ELOVL7: variants seen among roughly 807,000 people sequenced by gnomAD.
ELOVL7 encodes very long chain fatty acid elongase 7.
In ELOVL7, 27 loss-of-function variants were observed where a neutral mutation model predicts 35.7. The observed-to-expected ratio is 0.76, with a 90% CI of 0.56 to 1.04. ELOVL7 has a LOEUF of 1.04. ELOVL7 is among the 50% of genes least tolerant of loss of function. The pLI, the probability that ELOVL7 is intolerant of heterozygous loss-of-function variation, is 0.00. For synonymous variants in ELOVL7, 113 were observed against 114.6 expected (o/e 0.99, Z 0.09); for missense variants, 327 against 340.8 (o/e 0.96, Z 0.32).
At chr5:60,805,439 C>A (rs1029062363) in intron 1 of ELOVL7, among the ~76,000 whole-genome samples, 1 of 152,146 alleles carries the variant, frequency 6.6e-6, no homozygotes, top group Admixed American at 6.5e-5. Flanking sequence ...GAACCAAAGG[C>A]CAGCCAGGCT....
At chr5:60,790,064 G>C (rs1340954287) in intron 2 of ELOVL7, among the ~76,000 whole-genome samples, 1 of 152,062 alleles carries the variant, frequency 6.6e-6, no homozygotes, top group Non-Finnish European at 1.5e-5. Flanking sequence ...TTGAACCTGG[G>C]AGGCAGAGGT....
At chr5:60,807,548 A>G (rs1377376849) in intron 1 of ELOVL7, among the ~76,000 whole-genome samples, 1 of 151,282 alleles carries the variant, frequency 6.6e-6, no homozygotes, top group Non-Finnish European at 1.5e-5. Context: ...AAAAATCACT[A>G]GAAAACTTTA....
At chr5:60,771,213 T>G (rs1475496544) in intron 4 of ELOVL7, among the ~76,000 whole-genome samples, 1 of 152,026 alleles carries the variant, frequency 6.6e-6, no homozygotes, top group African/African-American at 2.4e-5. Context: ...GGAAGGAATC[T>G]CAGAAAAGAA....
At chr5:60,800,493 A>G (rs1449260021) in intron 1 of ELOVL7, among the ~76,000 whole-genome samples, 1 of 152,262 alleles carries the variant, frequency 6.6e-6, no homozygotes, top group African/African-American at 2.4e-5. Context: ...AATGAAGGCC[A>G]TATATAAAAA....
At chr5:60,773,230 C>T (rs13158665) in intron 3 of ELOVL7, among the ~76,000 whole-genome samples, 57,020 of 152,022 alleles carry the variant, frequency 0.38, 11,471 homozygotes, top group South Asian at 0.48. Context: ...AGGACAAGTT[C>T]CCAGAAGGAC....
At chr5:60,784,530 T>A (rs183490936) in intron 3 of ELOVL7, among the ~76,000 whole-genome samples, 63 of 152,334 alleles carry the variant, frequency 4.1e-4, no homozygotes, top group Middle Eastern at 3.4e-3. Flanking sequence ...TTTTTCCACA[T>A]GAAATAACTA....
At chr5:60,782,759 A>G (rs1743338963) in intron 3 of ELOVL7, among the ~76,000 whole-genome samples, 1 of 152,308 alleles carries the variant, frequency 6.6e-6, no homozygotes, top group South Asian at 2.1e-4. Context: ...TATTTATATA[A>G]GAAGAGTAGA....
At position 60,757,528 on chromosome 5, in the gene ELOVL7, T is replaced by C. The variant is rs773675782; in HGVS notation, c.617A>G (p.Tyr206Cys). 19 of 1,613,312 alleles carry C rather than the reference T, an allele frequency of 1.2e-5. No homozygotes were observed. The Admixed American group carries it at 2.0e-4, about 17-fold the overall frequency. Reference sequence around the variant, plus strand: ...ACTCACAAGCTGTAATGATGTCAAATATTTTTTCCACCACAAATACTTCTG... The same window carrying C: ...ACTCACAAGCTGTAATGATGTCAAACATTTTTTCCACCACAAATACTTCTG... Reference protein sequence around the residue: ...AYQKYLWWKKYLTSLQLVQFV... With the variant: ...AYQKYLWWKKCLTSLQLVQFV... Residue 206 changes from tyrosine (Y) to cysteine (C), a missense_variant, in exon 8 of 9, where the codon TAT becomes TGT. By Grantham distance (194) the Tyr-to-Cys change is radical. Coordinates refer to ENST00000508821, the MANE Select transcript of ELOVL7 (RefSeq NM_024930.3).
intron 1 of ELOVL7, among the ~76,000 whole-genome samples, chr5:60,842,368 C>T (rs1747224601): frequency 6.6e-6 from 1 of 151,554 alleles, no homozygotes; most frequent in African/African-American, 2.4e-5. Flanking sequence ...CAAGTCCAAG[C>T]GGAATATTAT....
rs949828291 is a variant in ELOVL7 at position 60,762,843 on chromosome 5, TCA to T, written c.499+1382_499+1383del. The stretch of plus-strand genomic sequence containing the variant: ...AATACATCTGAATATCATTTTTGTT[TCA>T]CAGTCATATAGACACAAGTAATAAT... On this transcript the variant is annotated intron_variant, in intron 7 of 8. Coordinates refer to ENST00000508821, the MANE Select transcript of ELOVL7 (RefSeq NM_024930.3). 7.0e-4 allele frequency among the ~76,000 whole-genome samples: 107 copies of T among 152,346 alleles called. 1 individual carries two copies. Among genetic ancestry groups the T allele is most frequent in the African/African-American group, 2.5e-3 (102 of 41,578 alleles).
At chr5:60,815,746 C>CT (rs1745480726) in intron 1 of ELOVL7, among the ~76,000 whole-genome samples, 1 of 151,838 alleles carries the variant, frequency 6.6e-6, no homozygotes, top group Non-Finnish European at 1.5e-5. Flanking sequence ...TTTTCTATTT[C>CT]TTTTTAGTAG....
intron 1 of ELOVL7, among the ~76,000 whole-genome samples, chr5:60,830,440 G>GA (rs1480652920): frequency 6.6e-6 from 1 of 152,118 alleles, no homozygotes; most frequent in African/African-American, 2.4e-5. Context: ...TGTGGCAGCT[G>GA]AGTGGTCCTG....
At position 60,775,824 on chromosome 5, in the gene ELOVL7, T is replaced by G. The variant is rs148273929; in HGVS notation, c.65-3731A>C. Among the ~76,000 whole-genome samples, 716 of 152,130 alleles carry G rather than the reference T, an allele frequency of 4.7e-3. 4 individuals are homozygous for G. The highest frequency in any genetic ancestry group is 0.016 in the African/African-American group (656 of 41,508). ...ACTACCTACCACCATACACAAAAAT[T>G]AACTTAAGATGGATTAAAGACTTAA... On this transcript the variant is annotated intron_variant, in intron 3 of 8. Coordinates refer to ENST00000508821, the MANE Select transcript of ELOVL7 (RefSeq NM_024930.3).
At chr5:60,814,712 A>G (rs977921408) in intron 1 of ELOVL7, among the ~76,000 whole-genome samples, 2 of 152,242 alleles carry the variant, frequency 1.3e-5, no homozygotes, top group African/African-American at 2.4e-5. Flanking sequence ...TAAGCTGTAG[A>G]GGAAGTGTTC....
chr5:60,773,644 G>A (rs1422416555), intron 3 of ELOVL7, among the ~76,000 whole-genome samples: 1 of 152,208 alleles, frequency 6.6e-6, no homozygotes, highest in Non-Finnish European at 1.5e-5. Flanking sequence ...TATGATTAAG[G>A]AAGTCCCAGA....
intron 1 of ELOVL7, among the ~76,000 whole-genome samples, chr5:60,824,083 A>T (rs1188915036): frequency 6.6e-6 from 1 of 152,242 alleles, no homozygotes; most frequent in Admixed American, 6.5e-5. Context: ...TAAATAAAAA[A>T]TTCAGACACT....
chr5:60,793,488 A>C (rs1406325969), intron 2 of ELOVL7, among the ~76,000 whole-genome samples: 1 of 152,170 alleles, frequency 6.6e-6, no homozygotes, highest in African/African-American at 2.4e-5. Flanking sequence ...GTTTGGGGGT[A>C]GCATACACAG....
chr5:60,798,960 C>A (rs979378811), intron 2 of ELOVL7, among the ~76,000 whole-genome samples: 1 of 152,150 alleles, frequency 6.6e-6, no homozygotes, highest in Non-Finnish European at 1.5e-5. Context: ...TATTGAGCCA[C>A]AAAACAAGTT....
chr5:60,776,074 T>G (rs985104138), intron 3 of ELOVL7, among the ~76,000 whole-genome samples: 1 of 152,186 alleles, frequency 6.6e-6, no homozygotes, highest in South Asian at 2.1e-4. Context: ...ACACAAACTA[T>G]GCATCCAACA....
Sources: gnomAD v4.1 joint callset for allele counts (sites outside exome capture counted in the v4.1 genomes callset) on GRCh38, gnomAD v4.1.1 for gene constraint, MANE v1.5 for transcripts, NCBI Gene and HGNC (gene_info 2026-07-23, HGNC 2026-07-21) for gene names.